The following RAB6A variants were observed in gnomAD, a reference collection of about 807,000 sequenced individuals.
RAB6A encodes the protein ras-related protein Rab-6A.
In RAB6A, 8 loss-of-function variants were observed where a neutral mutation model predicts 32.3. The observed-to-expected ratio is 0.25, with a 90% CI of 0.15 to 0.45. The LOEUF (loss-of-function observed/expected upper bound fraction) is 0.45, where lower values mean the gene tolerates loss of function less well. Ranked by LOEUF, RAB6A falls within the 20% of genes least tolerant of loss-of-function variation. The pLI is 1.00. For synonymous variants in RAB6A, 73 were observed against 82.1 expected, an observed-to-expected ratio of 0.89 and a Z score of 0.60; for missense variants, 104 against 249.4, an observed-to-expected ratio of 0.42 and a Z score of 3.93.
intron 2 of RAB6A, among the ~76,000 whole-genome samples, chr11:73,728,950 TTCTC>T (rs1339829784): frequency 6.6e-6 from 1 of 152,180 alleles, no homozygotes; most frequent in East Asian, 1.9e-4. Context: ...TTATTACTAA[TTCTC>T]TCTACTTATT....
At chr11:73,710,286 ATTTAAC>A (rs1945934838) in intron 5 of RAB6A, among the ~76,000 whole-genome samples, 1 of 151,236 alleles carries the variant, frequency 6.6e-6, no homozygotes, top group Non-Finnish European at 1.5e-5. Flanking sequence ...TATTTTTTAT[ATTTAAC>A]TTTATTAATC....
chr11:73,722,325 ATATATATATATATATATATT>A (rs1474962776), intron 2 of RAB6A: 6 of 17,704 alleles, frequency 3.4e-4, no homozygotes, highest in African/African-American at 6.6e-4. Flanking sequence ...ATATATATAT[ATATATATATATATATATATT>A]TTTTTTTTTT....
chr11:73,730,725 C>A, intron 2 of RAB6A, 40 bp downstream of exon 2: 1 of 1,495,428 alleles, frequency 6.7e-7, no homozygotes, highest in Non-Finnish European at 9.2e-7. Flanking sequence ...TTACTTGTAA[C>A]AAAAAATAGA....
chr11:73,753,180 C>A (rs952994935), intron 1 of RAB6A, among the ~76,000 whole-genome samples: 12 of 152,090 alleles, frequency 7.9e-5, no homozygotes, highest in Admixed American at 5.2e-4. Context: ...AGCCCAGGAG[C>A]TCGTGGCTGC....
chr11:73,715,702 T>C (rs1946041798), intron 5 of RAB6A, among the ~76,000 whole-genome samples: 1 of 152,232 alleles, frequency 6.6e-6, no homozygotes, highest in African/African-American at 2.4e-5. Flanking sequence ...AATGTTAATA[T>C]ATTTTGCATC....
At chr11:73,693,643 T>C (rs960065721) in intron 6 of RAB6A, among the ~76,000 whole-genome samples, 6 of 151,256 alleles carry the variant, frequency 4.0e-5, no homozygotes, top group African/African-American at 1.5e-4. Context: ...CCCAGTACTT[T>C]GGGAGCCCAA....
At chr11:73,701,299 TACAA>T (rs1199664076) in intron 6 of RAB6A, among the ~76,000 whole-genome samples, 1 of 152,178 alleles carries the variant, frequency 6.6e-6, no homozygotes, top group Non-Finnish European at 1.5e-5. Context: ...TAGTTCTGCT[TACAA>T]ACATACACAG....
intron 2 of RAB6A, among the ~76,000 whole-genome samples, chr11:73,726,087 C>A (rs1484538444): frequency 6.6e-6 from 1 of 151,766 alleles, no homozygotes; most frequent in Non-Finnish European, 1.5e-5. Context: ...GAGTTTGAGA[C>A]CAGCCTGGCC....
intron 6 of RAB6A, among the ~76,000 whole-genome samples, chr11:73,700,873 G>C (rs1945734224): frequency 6.6e-6 from 1 of 152,082 alleles, no homozygotes; most frequent in African/African-American, 2.4e-5. Flanking sequence ...GAGCAAAAGG[G>C]TTAAGCACAG....
At chr11:73,753,720 C>CA (rs928203960) in intron 1 of RAB6A, among the ~76,000 whole-genome samples, 2 of 149,558 alleles carry the variant, frequency 1.3e-5, no homozygotes, top group African/African-American at 2.4e-5. Flanking sequence ...GAAAAAAAAA[C>CA]AAAAAAACAA....
intron 6 of RAB6A, among the ~76,000 whole-genome samples, chr11:73,706,645 G>A (rs890167866): frequency 2.0e-5 from 3 of 152,092 alleles, no homozygotes; most frequent in African/African-American, 7.2e-5. Context: ...GCTTGATAAT[G>A]TGACATCTCC....
chr11:73,691,647 G>A (rs1348828142), intron 6 of RAB6A, among the ~76,000 whole-genome samples: 7 of 152,156 alleles, frequency 4.6e-5, no homozygotes, highest in Admixed American at 2.6e-4. Flanking sequence ...CAATAATTAA[G>A]GGGTGTGAAA....
chr11:73,735,920 T>TAAA (rs10676769), intron 1 of RAB6A, among the ~76,000 whole-genome samples: 27,939 of 86,740 alleles, frequency 0.32, 5,418 homozygotes, highest in African/African-American at 0.44. Context: ...AACCTTGCCT[T>TAAA]AAAAAAAAAA....
chr11:73,758,130 C>T (rs1031591521), intron 1 of RAB6A, among the ~76,000 whole-genome samples: 3 of 107,132 alleles, frequency 2.8e-5, no homozygotes, highest in African/African-American at 1.6e-4. Context: ...GACATGGAGT[C>T]TACAGACTTC....
At chr11:73,714,701 C>A (rs1035018613) in intron 5 of RAB6A, among the ~76,000 whole-genome samples, 1 of 151,860 alleles carries the variant, frequency 6.6e-6, no homozygotes, top group East Asian at 1.9e-4. Context: ...ACTGGCAGGG[C>A]GCGGTGGCTC....
chr11:73,736,809 G>GAAAAAAAAAAAAAAAAA (rs756237159), intron 1 of RAB6A, among the ~76,000 whole-genome samples: 273 of 108,364 alleles, frequency 2.5e-3, no homozygotes, highest in Non-Finnish European at 3.5e-3. Context: ...AAAAAAAAAA[G>GAAAAAAAAAAAAAAAAA]AAAAAAAAAA....
chr11:73,684,570 A>G (rs966404634), intron 6 of RAB6A, among the ~76,000 whole-genome samples: 1 of 152,204 alleles, frequency 6.6e-6, no homozygotes. Flanking sequence ...CATGTGACTC[A>G]TTTTATTGAT....
intron 6 of RAB6A, among the ~76,000 whole-genome samples, chr11:73,696,771 A>ATTTTTTTTTTTTTT (rs565879166): frequency 7.0e-5 from 10 of 142,140 alleles, no homozygotes; most frequent in African/African-American, 2.3e-4. Flanking sequence ...CATGCCTAGA[A>ATTTTTTTTTTTTTT]TTTTTTTTTT....
At chr11:73,690,653 C>T (rs1451393710) in intron 6 of RAB6A, among the ~76,000 whole-genome samples, 7 of 146,686 alleles carry the variant, frequency 4.8e-5, no homozygotes, top group African/African-American at 7.6e-5. Flanking sequence ...GAAGAGACAC[C>T]GGAGGGTGGT....
Sources: gnomAD v4.1 joint callset for allele counts (sites outside exome capture counted in the v4.1 genomes callset) on GRCh38, gnomAD v4.1.1 for gene constraint, MANE v1.5 for transcripts, NCBI Gene and HGNC (gene_info 2026-07-23, HGNC 2026-07-21) for gene names.